GSTA1: variants seen among roughly 807,000 people sequenced by gnomAD.
GSTA1 encodes the protein glutathione S-transferase A1.
A neutral mutation model predicts 21.5 loss-of-function variants in GSTA1; 23 were observed. The observed-to-expected ratio is 1.07, with a 90% CI of 0.77 to 1.52. The LOEUF is 1.52. Among genes scored for constraint, GSTA1 ranks in the 40% most tolerant of loss-of-function variants. The pLI is 0.00. For missense variants in GSTA1, 301 were observed against 264.2 expected (o/e 1.14, Z -0.96); for synonymous variants, 125 against 90.0 (o/e 1.39, Z -2.20).
At chr6:52,794,811 G>C (rs4715327) in intron 4 of GSTA1, among the ~76,000 whole-genome samples, 148,359 of 152,274 alleles carry the variant, frequency 0.97, 72,381 homozygotes, top group East Asian at 1. Flanking sequence ...GTGCTGTTGC[G>C]CAACTCTAGC....
At chr6:52,800,219 CA>C (rs1275957730) in intron 1 of GSTA1, among the ~76,000 whole-genome samples, 1 of 152,174 alleles carries the variant, frequency 6.6e-6, no homozygotes, top group African/African-American at 2.4e-5. Context: ...AAGATGAATG[CA>C]GTTGTTATTC....
chr6:52,800,425 A>G (rs1209828847), intron 1 of GSTA1, among the ~76,000 whole-genome samples: 1 of 152,264 alleles, frequency 6.6e-6, no homozygotes. Context: ...ATAGAAAAGA[A>G]TAGAAAATGT....
chr6:52,796,539 A>AT lies in GSTA1; in HGVS notation c.140-226dup, dbSNP rs1178071433. Among the ~76,000 whole-genome samples, 72 of 35,236 alleles carry AT rather than the reference A, an allele frequency of 2.0e-3. 5 individuals are homozygous for AT. The highest frequency in any genetic ancestry group is 4.7e-3 in the African/African-American group (67 of 14,242). 23.1% of individuals were successfully genotyped at this position (35,236 alleles called of 152,430 possible). A position where few individuals can be genotyped will look rare whatever the true frequency, so the allele number is the denominator to read the frequency against. ...TGTGTGTGTGTGTGTGTATATATAT[A>AT]TATATTTTTTTTTTTTTTTTTTTTG... is the stretch of plus-strand genomic sequence containing the variant. On this transcript the variant is annotated intron_variant, in intron 3 of 6. Coordinates refer to ENST00000334575, the MANE Select transcript of GSTA1 (RefSeq NM_145740.5).
chr6:52,800,768 T>C (rs1188587968), intron 1 of GSTA1, among the ~76,000 whole-genome samples: 1 of 152,246 alleles, frequency 6.6e-6, no homozygotes, highest in African/African-American at 2.4e-5. Flanking sequence ...CAGTTGCGTT[T>C]TCTCTCCAAA....
At chr6:52,799,920 C>T (rs1020470715) in intron 1 of GSTA1, among the ~76,000 whole-genome samples, 1 of 152,176 alleles carries the variant, frequency 6.6e-6, no homozygotes, top group Non-Finnish European at 1.5e-5. Context: ...TCACTCTTCA[C>T]CTCTTTGACT....
At chr6:52,801,243 G>A (rs1763709841) in intron 1 of GSTA1, among the ~76,000 whole-genome samples, 1 of 152,190 alleles carries the variant, frequency 6.6e-6, no homozygotes, top group Admixed American at 6.5e-5. Flanking sequence ...TCTTTTAAAT[G>A]TCTCATTTTA....
intron 1 of GSTA1, among the ~76,000 whole-genome samples, chr6:52,803,424 G>T (rs1319045719): frequency 6.6e-6 from 1 of 152,184 alleles, no homozygotes; most frequent in Non-Finnish European, 1.5e-5. Flanking sequence ...ACAATTGTGT[G>T]TTGACTACTT....
intron 2 of GSTA1, among the ~76,000 whole-genome samples, chr6:52,798,833 C>T (rs1763644507): frequency 6.6e-6 from 1 of 151,914 alleles, no homozygotes; most frequent in South Asian, 2.1e-4. Flanking sequence ...CATTATCACA[C>T]ATGAAATATT....
intron 6 of GSTA1, 67 bp downstream of exon 6, chr6:52,792,789 G>A: frequency 1.2e-6 from 2 of 1,612,270 alleles, no homozygotes; most frequent in Non-Finnish European, 1.7e-6. Context: ...GTCAGTCGCA[G>A]GGCCCAGATA....
chr6:52,793,052 C>G (rs112525259), intron 5 of GSTA1, 65 bp from the exon 6 acceptor site: 2 of 1,610,178 alleles, frequency 1.2e-6, no homozygotes, highest in Non-Finnish European at 1.7e-6. Context: ...CTGCTTCTTT[C>G]GGAGCCTCTC....
At chr6:52,801,754 A>G (rs1763722526) in intron 1 of GSTA1, among the ~76,000 whole-genome samples, 1 of 152,150 alleles carries the variant, frequency 6.6e-6, no homozygotes, top group African/African-American at 2.4e-5. Context: ...CATGCTCCTC[A>G]TTCATAGTCA....
chr6:52,792,106 G>A, intron 6 of GSTA1, 126 bp from the exon 7 acceptor site: 1 of 1,333,556 alleles, frequency 7.5e-7, no homozygotes, highest in Non-Finnish European at 1.0e-6. Flanking sequence ...CAAGCATGGA[G>A]GCAGAAACAG....
At chr6:52,803,251 T>G (rs1218633924) in intron 1 of GSTA1, among the ~76,000 whole-genome samples, 4 of 152,124 alleles carry the variant, frequency 2.6e-5, no homozygotes, top group Non-Finnish European at 5.9e-5. Flanking sequence ...GGCCATGAGT[T>G]GGTAGAACTC....
At chr6:52,797,118 G>A (rs59474968) in intron 3 of GSTA1, among the ~76,000 whole-genome samples, 1,892 of 152,224 alleles carry the variant, frequency 0.012, 43 homozygotes, top group African/African-American at 0.042. Flanking sequence ...AGGTTTTTAT[G>A]TAAGGGTCCC....
At chr6:52,794,089 A>T (rs752472995) in intron 5 of GSTA1, 36 bp downstream of exon 5, 24 of 1,612,500 alleles carry the variant, frequency 1.5e-5, no homozygotes, top group Non-Finnish European at 1.4e-5. Flanking sequence ...TGGCCTCTAA[A>T]CTCAGTTCCC....
At chr6:52,796,911 T>C (rs557101764) in intron 3 of GSTA1, among the ~76,000 whole-genome samples, 1 of 152,282 alleles carries the variant, frequency 6.6e-6, no homozygotes, top group Non-Finnish European at 1.5e-5. Flanking sequence ...TTTTTATCCA[T>C]TTATTTCATA....
At chr6:52,797,949 G>A (rs940924056) in intron 2 of GSTA1, among the ~76,000 whole-genome samples, 18 of 152,158 alleles carry the variant, frequency 1.2e-4, no homozygotes, top group African/African-American at 4.1e-4. Flanking sequence ...TTCTAGTTAT[G>A]GTGTTGTCAT....
chr6:52,799,354 T>C (rs949839605), intron 1 of GSTA1, 57 bp from the exon 2 acceptor site: 16 of 1,196,010 alleles, frequency 1.3e-5, no homozygotes, highest in Admixed American at 2.2e-5. Flanking sequence ...AAATGTACTT[T>C]AGGATATGTA....
rs565249644 is a variant in GSTA1 at position 52,797,656 on chromosome 6, A to G, written c.88-19T>C. On this transcript the variant is annotated intron_variant, in intron 2 of 6. Transcript: ENST00000334575. ...CTTCAAACTGGAAGCAGAAACAGTA[A>G]ATACGTTCTTGTTAGTTCATTCTAT... 3.6e-5 allele frequency: 58 copies of G among 1,594,916 alleles called. 1 individual carries two copies. In the East Asian group the frequency reaches 1.2e-3, roughly 33 times the overall value.
Sources: gnomAD v4.1 joint callset for allele counts (sites outside exome capture counted in the v4.1 genomes callset) on GRCh38, gnomAD v4.1.1 for gene constraint, MANE v1.5 for transcripts, NCBI Gene and HGNC (gene_info 2026-07-23, HGNC 2026-07-21) for gene names.